LEPR: variants seen among roughly 807,000 people sequenced by gnomAD.
LEPR encodes OB receptor.
LEPR carries 56 observed loss-of-function variants against 114.7 expected under a neutral mutation model. That is an observed-to-expected ratio of 0.49 (90% CI 0.39 to 0.61). The LOEUF (loss-of-function observed/expected upper bound fraction) is 0.61, where lower values mean the gene tolerates loss of function less well. LEPR is among the 20% of genes least tolerant of loss of function. LEPR has a pLI of 0.00. For synonymous variants in LEPR, 443 were observed against 461.4 expected (o/e 0.96, Z 0.51); for missense variants, 1,202 against 1,352.9 (o/e 0.89, Z 1.75).
chr1:65,635,049 C>A, intron 19 of LEPR: 1 of 863,908 alleles, frequency 1.2e-6, no homozygotes, highest in Non-Finnish European at 1.4e-6. Flanking sequence ...TGCTTTTAAT[C>A]ACTAACATAT....
intron 2 of LEPR, among the ~76,000 whole-genome samples, chr1:65,500,271 A>G (rs1315967402): frequency 6.6e-6 from 1 of 152,128 alleles, no homozygotes; most frequent in African/African-American, 2.4e-5. Flanking sequence ...AAACAGACTA[A>G]TACAGACCCC....
intron 2 of LEPR, among the ~76,000 whole-genome samples, chr1:65,514,100 C>G (rs1227314402): frequency 6.6e-6 from 1 of 152,198 alleles, no homozygotes; most frequent in Non-Finnish European, 1.5e-5. Context: ...AATTTTTGCT[C>G]TTGGTATGAG....
intron 2 of LEPR, among the ~76,000 whole-genome samples, chr1:65,481,643 AC>A (rs1647241780): frequency 6.6e-6 from 1 of 152,096 alleles, no homozygotes; most frequent in Non-Finnish European, 1.5e-5. Flanking sequence ...AATGTTTAAG[AC>A]ATAGGTACAA....
intron 2 of LEPR, among the ~76,000 whole-genome samples, chr1:65,503,739 G>A (rs1174992572): frequency 6.6e-6 from 1 of 151,298 alleles, no homozygotes; most frequent in Non-Finnish European, 1.5e-5. Flanking sequence ...CATTATTATA[G>A]GTACAGACGT....
chr1:65,536,008 T>C (rs1282761380), intron 2 of LEPR, among the ~76,000 whole-genome samples: 2 of 152,184 alleles, frequency 1.3e-5, no homozygotes, highest in African/African-American at 4.8e-5. Context: ...TGTGATTCTT[T>C]AAGTCTAAGA....
At position 65,608,820 on chromosome 1, in the gene LEPR, T is replaced by C. The variant is rs752975658; in HGVS notation, c.1671T>C (p.Ser557=). 4 of 1,613,828 alleles carry C rather than the reference T, an allele frequency of 2.5e-6. No homozygotes were observed. In the East Asian group the frequency reaches 8.9e-5, roughly 36 times the overall value. Residue 557 remains serine (S), a synonymous_variant, in exon 12 of 20, where the codon TCT becomes TCC. Transcript: ENST00000349533. ...ITINIGLLKI[S]WEKPVFPENN... The stretch of plus-strand genomic sequence containing the variant: ...TAAACATTGGATTATTGAAAATATC[T>C]TGGGAAAAGCCAGTCTTTCCAGAGA...
At chr1:65,550,903 T>C (rs2211654) in intron 2 of LEPR, among the ~76,000 whole-genome samples, 9,687 of 152,090 alleles carry the variant, frequency 0.064, 504 homozygotes, top group South Asian at 0.27. Context: ...TCACCCGTCT[T>C]CTGCGTGGCT....
At chr1:65,510,267 T>A (rs146752400) in intron 2 of LEPR, among the ~76,000 whole-genome samples, 3 of 152,318 alleles carry the variant, frequency 2.0e-5, no homozygotes, top group East Asian at 1.9e-4. Flanking sequence ...CCTTTTTGGC[T>A]AAGCTATTAT....
chr1:65,451,550 CTTGT>C (rs1646785556), intron 2 of LEPR, among the ~76,000 whole-genome samples: 1 of 152,230 alleles, frequency 6.6e-6, no homozygotes, highest in South Asian at 2.1e-4. Flanking sequence ...TTCCCCATTG[CTTGT>C]TTTTCTCAGG....
At position 65,496,144 on chromosome 1, in the gene LEPR, CA is replaced by C. The variant is rs1648142750; in HGVS notation, c.-20-69398del. Among the ~76,000 whole-genome samples, 5 of 152,096 alleles carry C rather than the reference CA, an allele frequency of 3.3e-5. No individual in the cohort carries two copies. In the South Asian group the frequency reaches 1.0e-3, roughly 32 times the overall value. On this transcript the variant is annotated intron_variant, in intron 2 of 19. Coordinates refer to ENST00000349533, the MANE Select transcript of LEPR (RefSeq NM_002303.6). ...CATTACACATTGTATATACTTGTAT[CA>C]AAATATCAGATGTATCTCATAAATA...
At chr1:65,434,100 TGATTGTATCTTTA>T in intron 2 of LEPR, 5 of 984,910 alleles carry the variant, frequency 5.1e-6, no homozygotes, top group Non-Finnish European at 6.0e-6. Flanking sequence ...CATTACCTCT[TGATTGTATCTTTA>T]GATTGATATA....
At chr1:65,432,228 C>T (rs1646495637) in intron 2 of LEPR, 2 of 1,020,602 alleles carry the variant, frequency 2.0e-6, no homozygotes, top group Non-Finnish European at 2.3e-6. Context: ...TGCATCGAAA[C>T]CTTTTGCTTG....
intron 6 of LEPR, among the ~76,000 whole-genome samples, chr1:65,593,684 G>A (rs1195159418): frequency 6.6e-6 from 1 of 151,920 alleles, no homozygotes; most frequent in East Asian, 1.9e-4. Context: ...TAAGTTACTC[G>A]AGATATAGCA....
chr1:65,626,129 C>T (rs1392263403), intron 19 of LEPR: 1 of 1,612,164 alleles, frequency 6.2e-7, no homozygotes. Flanking sequence ...CCAGAAAATG[C>T]CTGGCACAAA....
chr1:65,517,930 T>G (rs750236547), intron 2 of LEPR, among the ~76,000 whole-genome samples: 1 of 152,220 alleles, frequency 6.6e-6, no homozygotes, highest in Non-Finnish European at 1.5e-5. Flanking sequence ...CATAGAATAG[T>G]CTACCATATT....
chr1:65,616,262 T>C (rs1429506198), intron 15 of LEPR, 38 bp downstream of exon 15: 2 of 1,593,702 alleles, frequency 1.3e-6, no homozygotes, highest in African/African-American at 2.7e-5. Flanking sequence ...ATTGCCTCTT[T>C]TAATATTTAA....
At chr1:65,488,285 T>C (rs1485859946) in intron 2 of LEPR, among the ~76,000 whole-genome samples, 3 of 141,274 alleles carry the variant, frequency 2.1e-5, no homozygotes, top group African/African-American at 8.3e-5. Context: ...TTTCTTTCCC[T>C]CCCTCTCTCT....
intron 2 of LEPR, among the ~76,000 whole-genome samples, chr1:65,473,962 A>G (rs1194336291): frequency 6.6e-6 from 1 of 152,216 alleles, no homozygotes; most frequent in East Asian, 1.9e-4. Flanking sequence ...TCTCTCATTA[A>G]ATATACTGGT....
At chr1:65,625,539 T>C (rs191045805) in intron 19 of LEPR, among the ~76,000 whole-genome samples, 3 of 152,306 alleles carry the variant, frequency 2.0e-5, no homozygotes, top group Admixed American at 2.0e-4. Context: ...TTGTTACATG[T>C]ATATAACATA....
Sources: allele counts gnomAD v4.1 joint callset (sites outside exome capture counted in the v4.1 genomes callset), GRCh38; gene constraint gnomAD v4.1.1; transcripts MANE v1.5; gene names NCBI Gene and HGNC (gene_info 2026-07-23, HGNC 2026-07-21).